Variants in FANCE observed in about 807,000 individuals in gnomAD.
The protein encoded by FANCE is FA complementation group E.
In FANCE, 42 loss-of-function variants were observed where a neutral mutation model predicts 57.8. That is an observed-to-expected ratio of 0.73 (90% CI 0.57 to 0.94). FANCE has a LOEUF of 0.94. Ranked by LOEUF, FANCE falls within the 40% of genes least tolerant of loss-of-function variation. The pLI is 0.00. For missense variants in FANCE, 608 were observed against 661.8 expected (o/e 0.92, Z 0.89); for synonymous variants, 251 against 286.4 (o/e 0.88, Z 1.25).
At position 35,456,879 on chromosome 6, in the gene FANCE, T is replaced by C. The variant is rs933120730; in HGVS notation, c.855+526T>C. Among the ~76,000 whole-genome samples the C allele has an allele frequency of 2.0e-5, 3 of 152,082 alleles. No homozygotes were observed. Among genetic ancestry groups the C allele is most frequent in the African/African-American group, 7.2e-5 (3 of 41,410 alleles). On this transcript the variant is annotated intron_variant, in intron 2 of 9. Transcript: ENST00000229769. The surrounding 1 kb of genome is among the most constrained non-coding windows in gnomAD (Gnocchi z 4.3). Reference sequence around the variant, plus strand: ...GGAGGTGGGAAATGTGTCCTAATGATCTATAATGTGGGGTTAAAGGGTGCC... The same window carrying C: ...GGAGGTGGGAAATGTGTCCTAATGACCTATAATGTGGGGTTAAAGGGTGCC...
chr6:35,462,116 TA>T (rs1426555243), intron 8 of FANCE, among the ~76,000 whole-genome samples: 1 of 144,960 alleles, frequency 6.9e-6, no homozygotes, highest in East Asian at 2.0e-4. Context: ...TAATAATTAT[TA>T]TTTTTTTTGA....
chr6:35,465,085 A>G (rs1474397746), intron 9 of FANCE, among the ~76,000 whole-genome samples: 2 of 152,080 alleles, frequency 1.3e-5, no homozygotes, highest in East Asian at 3.9e-4. Context: ...TGAGACTCAC[A>G]CAGGTTAAAG....
rs139483831 is a variant in FANCE at position 35,457,598 on chromosome 6, G to A, written c.898G>A (p.Glu300Lys). The change falls in exon 3 of 10, where the codon GAG becomes AAG. Residue 300 changes from glutamate to lysine, a missense_variant and splice_region_variant. Physicochemically the swap from Glu to Lys is moderately conservative, Grantham distance 56. Transcript: ENST00000229769. ...RLQQLLKTLE[E>K]GLEGLEDAPP... ...GCAGCAGCTGCTGAAGACCTTGGAG[G>A]AGGTGACTGGCCCCACAGTGCTCAC... The A allele has an allele frequency of 6.2e-7, 1 of 1,613,776 alleles. No homozygotes were observed. Among genetic ancestry groups the A allele is most frequent in the Non-Finnish European group, 8.5e-7 (1 of 1,180,018 alleles).
In FANCE at chr6:35,456,000, T is replaced by C. The variant is rs370057221; in HGVS notation, c.502T>C (p.Cys168Arg). ...ATGCCAGAGACAGCTCCAAAGTCTA[T>C]GTAGGGGGCTGGGCCTGGGGGGCAG... ...ERCQRQLQSL[C>R]RGLGLGGRRL... is the part of the protein sequence containing the mutation. The change falls in exon 2 of 10, where the codon TGT becomes CGT. Residue 168 changes from cysteine (C) to arginine (R), a missense_variant. By Grantham distance (180) the Cys-to-Arg change is radical. Transcript: ENST00000229769. 1.2e-6 allele frequency: 2 copies of C among 1,612,874 alleles called. No homozygotes were observed. The highest frequency in any genetic ancestry group is 1.7e-6 in the Non-Finnish European group (2 of 1,179,694).
Position 35,456,255 on chromosome 6 carries a change from G to T in FANCE, c.757G>T (p.Asp253Tyr), listed in dbSNP as rs1398570115. 6.2e-7 allele frequency: 1 copy of T among 1,614,070 alleles called. No homozygotes were observed. The highest frequency in any genetic ancestry group is 8.5e-7 in the Non-Finnish European group (1 of 1,180,036). ...ADGGSASPIK[D>Y]QPVMAVKTGE... ...TGGAGGAAGTGCATCTCCTATTAAGGACCAGCCTGTCATGGCAGTTAAGAC... is the reference window on the plus strand; with the variant it reads ...TGGAGGAAGTGCATCTCCTATTAAGTACCAGCCTGTCATGGCAGTTAAGAC... The change falls in exon 2 of 10, where the codon GAC becomes TAC. Residue 253 changes from aspartate to tyrosine, a missense_variant. Transcript: ENST00000229769. The surrounding 1 kb of genome is among the most constrained non-coding windows in gnomAD (Gnocchi z 4.3).
Position 35,452,764 on chromosome 6 carries a change from C to A in FANCE, c.219C>A (p.Val73=). Residue 73 remains valine, a synonymous_variant, in exon 1 of 10, where the codon GTC becomes GTA. Coordinates refer to ENST00000229769, the MANE Select transcript of FANCE (RefSeq NM_021922.3). ...AGGCCCTGTGCCGGGAGGAGCCGGTCGTGCAGGGGCCTGACGGCCGTCTGG... is the reference window on the plus strand; with the variant it reads ...AGGCCCTGTGCCGGGAGGAGCCGGTAGTGCAGGGGCCTGACGGCCGTCTGG... ...LLEALCREEP[V]VQGPDGRLEL... is the part of the protein sequence containing the mutation. 3.1e-6 allele frequency: 4 copies of A among 1,283,786 alleles called. No individual in the cohort carries two copies. Among genetic ancestry groups the A allele is most frequent in the South Asian group, 2.4e-5 (1 of 41,814 alleles). The allele number at this position is 1,283,786 out of a possible 1,614,324, so 79.5% of individuals were successfully genotyped here.
At chr6:35,452,820 C>T (rs2150886264) in intron 1 of FANCE, 27 bp downstream of exon 1, 1 of 1,300,172 alleles carries the variant, frequency 7.7e-7, no homozygotes, top group Non-Finnish European at 9.8e-7. Context: ...GGCCCCTTAG[C>T]AGGTATGGGA....
In FANCE at chr6:35,452,744, C is replaced by T. The variant is rs1161408735; in HGVS notation, c.199C>T (p.Leu67=). Residue 67 remains leucine (L), a synonymous_variant, in exon 1 of 10, where the codon CTG becomes TTG. Coordinates refer to ENST00000229769, the MANE Select transcript of FANCE (RefSeq NM_021922.3). ...CGACTGGGGTCGCTTGCTCGAGGCC[C>T]TGTGCCGGGAGGAGCCGGTCGTGCA... ...PFDWGRLLEA[L]CREEPVVQGP... 1.0e-5 allele frequency: 13 copies of T among 1,266,368 alleles called. No individual in the cohort carries two copies. The highest frequency in any genetic ancestry group is 1.5e-5 in the African/African-American group (1 of 64,932). The allele number at this position is 1,266,368 out of a possible 1,614,324, so 78.4% of individuals were successfully genotyped here.
At chr6:35,458,545 A>C in intron 5 of FANCE, 105 bp downstream of exon 5, 1 of 1,443,222 alleles carries the variant, frequency 6.9e-7, no homozygotes, top group East Asian at 2.3e-5. Context: ...CCTTGTAGAC[A>C]TCTGGGCTGT....
At chr6:35,457,048 A>G (rs533779173) in intron 2 of FANCE, among the ~76,000 whole-genome samples, 22 of 152,268 alleles carry the variant, frequency 1.4e-4, no homozygotes, top group Admixed American at 2.0e-4. Flanking sequence ...AGACAATTCT[A>G]GACAGCTAGG....
Position 35,456,130 on chromosome 6 carries a change from C to G in FANCE, c.632C>G (p.Pro211Arg), listed in dbSNP as rs756617782. Reference protein sequence around the residue: ...RKDSEEEAASPEGKRVPKRLR... With the variant: ...RKDSEEEAASREGKRVPKRLR... The stretch of plus-strand genomic sequence containing the variant: ...GACTCAGAGGAAGAGGCTGCCAGTC[C>G]TGAGGGGAAGAGGGTCCCCAAAAGA... The change falls in exon 2 of 10, where the codon CCT becomes CGT. Residue 211 changes from proline (P) to arginine (R), a missense_variant. Transcript: ENST00000229769. This position sits in a 1 kb window ranked among gnomAD's most constrained non-coding sequence, Gnocchi z 4.3. 1.2e-6 allele frequency: 2 copies of G among 1,614,014 alleles called. No homozygotes were observed. The highest frequency in any genetic ancestry group is 1.7e-6 in the Non-Finnish European group (2 of 1,179,954).
At position 35,456,470 on chromosome 6, in the gene FANCE, A is replaced by G; in HGVS notation, c.855+117A>G. On this transcript the variant is annotated intron_variant, in intron 2 of 9. Transcript: ENST00000229769. The surrounding 1 kb of genome is among the most constrained non-coding windows in gnomAD (Gnocchi z 4.3). ...GGAGTTGACTGTAGTTCCTGGAGGA[A>G]GAAGGAGGAAGGTAGGGTTGAGGGA... is the stretch of plus-strand genomic sequence containing the variant. 7.5e-7 allele frequency: 1 copy of G among 1,341,968 alleles called. No individual in the cohort carries two copies. The highest frequency in any genetic ancestry group is 1.1e-6 in the Non-Finnish European group (1 of 937,100). 83.1% of individuals were successfully genotyped at this position (1,341,968 alleles called of 1,614,324 possible).
intron 2 of FANCE, among the ~76,000 whole-genome samples, chr6:35,457,026 G>A (rs920045938): frequency 1.3e-5 from 2 of 152,194 alleles, no homozygotes; most frequent in African/African-American, 4.8e-5. Context: ...CCCCATTTGG[G>A]TTGGATGCAG....
chr6:35,461,554 C>CT (rs1445552138), intron 8 of FANCE, among the ~76,000 whole-genome samples: 7 of 151,960 alleles, frequency 4.6e-5, no homozygotes, highest in Non-Finnish European at 1.0e-4. Flanking sequence ...CTGTAGGTTG[C>CT]TTTTTTTACT....
chr6:35,459,651 C>T (rs761282617), intron 6 of FANCE, 31 bp from the exon 7 acceptor site: 2 of 1,610,464 alleles, frequency 1.2e-6, no homozygotes, highest in African/African-American at 2.7e-5. Flanking sequence ...CATTTCCCCC[C>T]AGACTTCCCC....
chr6:35,461,145 C>T (rs982298405), intron 8 of FANCE, among the ~76,000 whole-genome samples: 2 of 152,098 alleles, frequency 1.3e-5, no homozygotes, highest in Admixed American at 6.5e-5. Flanking sequence ...CTCCTGTGGC[C>T]TCAGCCACCC....
intron 8 of FANCE, 55 bp downstream of exon 8, chr6:35,460,673 G>C: frequency 1.3e-6 from 2 of 1,513,034 alleles, no homozygotes; most frequent in Non-Finnish European, 1.8e-6. Flanking sequence ...GTCCTTGGAA[G>C]CACACGGGGT....
At position 35,462,837 on chromosome 6, in the gene FANCE, A is replaced by G. The variant is rs1242729665; in HGVS notation, c.1432A>G (p.Lys478Glu). The change falls in exon 9 of 10, where the codon AAA becomes GAA. Residue 478 changes from lysine to glutamate, a missense_variant. By Grantham distance (56) the Lys-to-Glu change is moderately conservative. Coordinates refer to ENST00000229769, the MANE Select transcript of FANCE (RefSeq NM_021922.3). The part of the protein sequence containing the change: ...KFSVLMEKLC[K>E]KGLAATTSMA... The stretch of plus-strand genomic sequence containing the variant: ...CAGTGTCTTAATGGAGAAGCTCTGT[A>G]AAAAGGGGCTGGCAGCCACCACCTC... 7 of 1,614,186 alleles carry G rather than the reference A, an allele frequency of 4.3e-6. No individual in the cohort carries two copies. Among genetic ancestry groups the G allele is most frequent in the Non-Finnish European group, 5.9e-6 (7 of 1,180,020 alleles).
intron 9 of FANCE, among the ~76,000 whole-genome samples, chr6:35,463,542 C>T (rs1327690928): frequency 6.6e-6 from 1 of 152,084 alleles, no homozygotes; most frequent in East Asian, 1.9e-4. Flanking sequence ...AAACAGATAA[C>T]AGATATTAGA....
Sources: gnomAD v4.1 joint callset for allele counts (sites outside exome capture counted in the v4.1 genomes callset) on GRCh38, gnomAD v4.1.1 for gene constraint, Gnocchi (gnomAD v3.1) non-coding constraint, MANE v1.5 for transcripts, NCBI Gene and HGNC (gene_info 2026-07-23, HGNC 2026-07-21) for gene names.